LRRC9: variants seen among roughly 807,000 people sequenced by gnomAD.
LRRC9 encodes the protein leucine-rich repeat-containing protein 9.
LRRC9 carries 122 observed loss-of-function variants against 63.2 expected under a neutral mutation model. The observed-to-expected ratio is 1.93, with a 90% confidence interval of 1.67 to 2.24. The LOEUF is 2.24. LRRC9 is among the 30% of genes most tolerant of loss of function. The pLI is 0.00. For missense variants in LRRC9, 1,071 were observed against 627.7 expected (o/e 1.71, Z -7.55); for synonymous variants, 366 against 213.1 (o/e 1.72, Z -6.25).
chr14:59,966,512 G>A lies in LRRC9; in HGVS notation c.1212-77G>A, dbSNP rs1199998694. 7 of 476,564 alleles carry A rather than the reference G, an allele frequency of 1.5e-5. No individual in the cohort carries two copies. Among genetic ancestry groups the A allele is most frequent in the East Asian group, 3.0e-5 (1 of 33,398 alleles). The allele number at this position is 476,564 out of a possible 1,614,324, so 29.5% of individuals were successfully genotyped here. ...AAATATGAGCTATAACTTTTATCAC[G>A]TAGTTTTCTGTTCTTAAACATTTTA... On this transcript the variant is annotated intron_variant, in intron 10 of 31. Coordinates refer to ENST00000445360, the Ensembl canonical transcript of LRRC9. The surrounding 1 kb of genome is among the most constrained non-coding windows in gnomAD (Gnocchi z 4.0).
intron 30 of LRRC9, chr14:60,057,542 G>A (rs1176075686): frequency 5.9e-6 from 1 of 169,716 alleles, no homozygotes; most frequent in Non-Finnish European, 1.2e-5. Context: ...GCATTACAAT[G>A]GGGAAGTTTT....
Position 59,938,463 on chromosome 14 carries a change from C to A in LRRC9, c.617C>A (p.Pro206Gln). The A allele has an allele frequency of 1.4e-6, 1 of 697,874 alleles. No individual in the cohort carries two copies. Among genetic ancestry groups the A allele is most frequent in the Non-Finnish European group, 2.6e-6 (1 of 382,646 alleles). The allele number at this position is 697,874 out of a possible 1,614,324, so 43.2% of individuals were successfully genotyped here. Residue 206 changes from proline to glutamine, a missense_variant, in exon 7 of 32, where the codon CCA becomes CAA. By Grantham distance (76) the Pro-to-Gln change is moderately conservative. Transcript: ENST00000445360. The surrounding 1 kb of genome is among the most constrained non-coding windows in gnomAD (Gnocchi z 4.2). The stretch of plus-strand genomic sequence containing the variant: ...AATGACCCTCAATATACAACCAATC[C>A]AGTTTGTCTTCTGTGTAATTATTCC...
intron 17 of LRRC9, among the ~76,000 whole-genome samples, chr14:59,994,875 G>A (rs1888578310): frequency 6.6e-6 from 1 of 151,752 alleles, no homozygotes; most frequent in Non-Finnish European, 1.5e-5. Flanking sequence ...GTGGGGGGAA[G>A]GGGGAGGGAT....
rs909620553 is a variant in LRRC9, at chr14:59,942,837, T to C, written c.727-1752T>C. 3.3e-5 allele frequency among the ~76,000 whole-genome samples: 5 copies of C among 152,144 alleles called. No homozygotes were observed. Among genetic ancestry groups the C allele is most frequent in the Non-Finnish European group, 5.9e-5 (4 of 68,022 alleles). On this transcript the variant is annotated intron_variant, in intron 7 of 31. Transcript: ENST00000445360. This position sits in a 1 kb window ranked among gnomAD's most constrained non-coding sequence, Gnocchi z 5.3. ...CTAACTAGGTGAGATTATATTGTGA[T>C]TTTTATTTGCATTTCCATGATGGTT...
Position 59,932,834 on chromosome 14 carries a change from C to T in LRRC9, c.543+795C>T, listed in dbSNP as rs1889814865. On this transcript the variant is annotated intron_variant, in intron 6 of 31. Transcript: ENST00000445360. This position sits in a 1 kb window ranked among gnomAD's most constrained non-coding sequence, Gnocchi z 4.7. ...ATAGATCTGTTCTCCACACAGAAGCCTGATGGAACCTTTAAAAATCTGTCA... is the reference window on the plus strand; with the variant it reads ...ATAGATCTGTTCTCCACACAGAAGCTTGATGGAACCTTTAAAAATCTGTCA... 6.6e-6 allele frequency among the ~76,000 whole-genome samples: 1 copy of T among 152,120 alleles called. No homozygotes were observed. The highest frequency in any genetic ancestry group is 1.5e-5 in the Non-Finnish European group (1 of 68,010).
Position 60,020,390 on chromosome 14 carries a change from C to A in LRRC9, c.3566+1130C>A, listed in dbSNP as rs1320379014. Among the ~76,000 whole-genome samples the A allele has an allele frequency of 2.0e-5, 3 of 151,840 alleles. No homozygotes were observed. The East Asian group carries it at 5.8e-4, about 29-fold the overall frequency. ...CATTTTGGTTGTTCCTAATTTTAGG[C>A]TATTACGATTAAAGCTACTATGAAC... is the stretch of plus-strand genomic sequence containing the variant. On this transcript the variant is annotated intron_variant, in intron 26 of 31. Transcript: ENST00000445360.
At position 60,031,183 on chromosome 14, in the gene LRRC9, C is replaced by G. The variant is rs1891963144; in HGVS notation, c.3922-812C>G. ...TTTTTCAAAGCCCTCATTTATGATA[C>G]TTCCAAAATTAAAATAGTAAAGATC... On this transcript the variant is annotated intron_variant, in intron 28 of 31. Coordinates refer to ENST00000445360, the Ensembl canonical transcript of LRRC9. This position sits in a 1 kb window ranked among gnomAD's most constrained non-coding sequence, Gnocchi z 4.6. Among the ~76,000 whole-genome samples, 1 of 152,116 alleles carries G rather than the reference C, an allele frequency of 6.6e-6. No individual in the cohort carries two copies. The highest frequency in any genetic ancestry group is 1.9e-4 in the East Asian group (1 of 5,184).
intron 12 of LRRC9, chr14:59,973,512 A>C (rs1459120349): frequency 6.6e-6 from 1 of 152,084 alleles, no homozygotes; most frequent in Non-Finnish European, 1.5e-5. Flanking sequence ...AGATACCAAA[A>C]TCTGTGAATA....
intron 17 of LRRC9, among the ~76,000 whole-genome samples, chr14:59,988,162 CAT>C (rs1371297583): frequency 6.6e-6 from 1 of 152,168 alleles, no homozygotes; most frequent in Non-Finnish European, 1.5e-5. Flanking sequence ...GTTCCATACA[CAT>C]CTTATATATT....
chr14:59,943,666 T>A (rs1221485775), intron 7 of LRRC9, among the ~76,000 whole-genome samples: 1 of 152,088 alleles, frequency 6.6e-6, no homozygotes, highest in Non-Finnish European at 1.5e-5. Context: ...GTGATTTCAG[T>A]TGCAGTACTT....
rs143523429 is a variant in LRRC9 at position 59,996,093 on chromosome 14, A to T, written c.2212-1563A>T. The stretch of plus-strand genomic sequence containing the variant: ...GGTTCCCAAATGCTGGTCTACAGGC[A>T]GGTGCCACAATGTGGGACAAGTTTT... On this transcript the variant is annotated intron_variant, in intron 17 of 31. Coordinates refer to ENST00000445360, the Ensembl canonical transcript of LRRC9. Among the ~76,000 whole-genome samples, 773 of 152,318 alleles carry T rather than the reference A, an allele frequency of 5.1e-3. 7 individuals are homozygous for T. Among genetic ancestry groups the T allele is most frequent in the Non-Finnish European group, 8.4e-3 (572 of 68,020 alleles).
rs1894465934 is a variant in LRRC9 at position 60,058,818 on chromosome 14, TA to T, written c.4276+799del. On this transcript the variant is annotated intron_variant, in intron 31 of 31. Transcript: ENST00000445360. The surrounding 1 kb of genome is among the most constrained non-coding windows in gnomAD (Gnocchi z 4.4). The stretch of plus-strand genomic sequence containing the variant: ...AAAAAAGTAGACTGTTCCATGTGAT[TA>T]AAGTTTTTTAAAGAAACCCACTGAA... Among the ~76,000 whole-genome samples, 1 of 152,162 alleles carries T rather than the reference TA, an allele frequency of 6.6e-6. No homozygotes were observed. Among genetic ancestry groups the T allele is most frequent in the African/African-American group, 2.4e-5 (1 of 41,440 alleles).
At chr14:59,931,008 A>C (rs1262193533) in exon 4 of LRRC9, 1 of 442,282 alleles carries the variant, frequency 2.3e-6, no homozygotes, top group Non-Finnish European at 4.1e-6. Flanking sequence ...AGAGAAATTA[A>C]TCAAATTGAA....
intron 23 of LRRC9, 31 bp from the exon 24 acceptor site, chr14:60,016,629 A>G: frequency 1.5e-6 from 1 of 671,736 alleles, no homozygotes; most frequent in Non-Finnish European, 2.8e-6. Flanking sequence ...TCTGTAAGAC[A>G]GGACATCATT....
chr14:60,005,568 A>G (rs912256504), intron 21 of LRRC9, among the ~76,000 whole-genome samples: 7 of 152,032 alleles, frequency 4.6e-5, no homozygotes, highest in Non-Finnish European at 7.4e-5. Context: ...CTTTGATCCT[A>G]TCTTGCCCTG....
intron 17 of LRRC9, among the ~76,000 whole-genome samples, chr14:59,995,999 C>T (rs775542312): frequency 3.9e-5 from 6 of 152,116 alleles, no homozygotes; most frequent in Non-Finnish European, 8.8e-5. Context: ...CTCAGCCTCC[C>T]AAAGTGCTGG....
At chr14:60,011,165 A>G (rs1890229742) in intron 23 of LRRC9, among the ~76,000 whole-genome samples, 1 of 152,228 alleles carries the variant, frequency 6.6e-6, no homozygotes, top group Non-Finnish European at 1.5e-5. Flanking sequence ...ACAGTTCCAC[A>G]TGGCTGGGGA....
chr14:60,014,107 T>C (rs1245613976), intron 23 of LRRC9, among the ~76,000 whole-genome samples: 1 of 152,100 alleles, frequency 6.6e-6, no homozygotes, highest in African/African-American at 2.4e-5. Flanking sequence ...GTTGTTCTAT[T>C]ACAATGCATA....
exon 26 of LRRC9, chr14:60,019,204 G>A: frequency 1.4e-6 from 1 of 700,188 alleles, no homozygotes; most frequent in South Asian, 1.5e-5. Flanking sequence ...GACAACTACT[G>A]TACCAGAAAG....
Sources: allele counts gnomAD v4.1 joint callset (sites outside exome capture counted in the v4.1 genomes callset), GRCh38; gene constraint gnomAD v4.1.1; non-coding constraint Gnocchi (gnomAD v3.1); transcripts MANE v1.5; gene names NCBI Gene and HGNC (gene_info 2026-07-23, HGNC 2026-07-21).